Variants in RAB35 observed in about 807,000 individuals in gnomAD.
The protein encoded by RAB35 is RAB35, member RAS oncogene family, also known as ras-related protein Rab-35.
In RAB35, 4 loss-of-function variants were observed where a neutral mutation model predicts 28.9. The ratio of observed to expected loss-of-function variants is 0.14; its 90% CI spans 0.07 to 0.32. The LOEUF is 0.32. RAB35 is among the 10% of genes least tolerant of loss of function. The pLI, the probability that RAB35 is intolerant of heterozygous loss-of-function variation, is 1.00. For synonymous variants in RAB35, 99 were observed against 105.1 expected (o/e 0.94, Z 0.35); for missense variants, 128 against 274.0 (o/e 0.47, Z 3.76).
At chr12:120,099,364 G>A (rs1323033948) in intron 3 of RAB35, 7 of 647,836 alleles carry the variant, frequency 1.1e-5, no homozygotes, top group East Asian at 2.8e-5. Flanking sequence ...CTGCCCGCCC[G>A]GGGCACCAAC....
At chr12:120,102,469 C>A (rs960011992) in intron 3 of RAB35, among the ~76,000 whole-genome samples, 1 of 152,230 alleles carries the variant, frequency 6.6e-6, no homozygotes, top group African/African-American at 2.4e-5. Context: ...TCAACGGTCA[C>A]CACACAGCAC....
chr12:120,110,901 A>G (rs1876091156), intron 1 of RAB35, among the ~76,000 whole-genome samples: 1 of 152,208 alleles, frequency 6.6e-6, no homozygotes, highest in African/African-American at 2.4e-5. Flanking sequence ...GCTGAGCTCA[A>G]GGAGAGCCCG....
intron 2 of RAB35, among the ~76,000 whole-genome samples, chr12:120,106,784 T>G (rs1358052300): frequency 1.3e-5 from 2 of 151,922 alleles, no homozygotes; most frequent in East Asian, 3.9e-4. Flanking sequence ...AGACAGAGTT[T>G]CACCATATTG....
Position 120,116,704 on chromosome 12 carries a change from C to T in RAB35, c.-54G>A. 4 of 1,218,558 alleles carry T rather than the reference C, an allele frequency of 3.3e-6. No homozygotes were observed. The highest frequency in any genetic ancestry group is 4.1e-6 in the Non-Finnish European group (4 of 979,136). The allele number at this position is 1,218,558 out of a possible 1,614,324, so 75.5% of individuals were successfully genotyped here. On this transcript the variant is annotated 5_prime_UTR_variant, in exon 1 of 6. Coordinates refer to ENST00000229340, the MANE Select transcript of RAB35 (RefSeq NM_006861.7). Reference sequence around the variant, plus strand: ...GCGGGGTCGGTACTGGCCTCGCGATCCGCAGCTCCCTTCGGGCTGCTCCGG... The same window carrying T: ...GCGGGGTCGGTACTGGCCTCGCGATTCGCAGCTCCCTTCGGGCTGCTCCGG...
chr12:120,104,628 T>G (rs1328152910), intron 2 of RAB35, among the ~76,000 whole-genome samples: 1 of 151,868 alleles, frequency 6.6e-6, no homozygotes, highest in Admixed American at 6.6e-5. Flanking sequence ...TCTTGCAGCA[T>G]CTGTGGGAAA....
chr12:120,104,013 T>G, intron 2 of RAB35, 64 bp from the exon 3 acceptor site: 1 of 1,587,944 alleles, frequency 6.3e-7, no homozygotes, highest in Non-Finnish European at 8.6e-7. Flanking sequence ...AGCCCCACGC[T>G]GCACACAACA....
Position 120,107,130 on chromosome 12 carries a change from A to C in RAB35, c.103+1287T>G, listed in dbSNP as rs550211535. ...CAGCCTCCCCAGTCGCTAGGATTAT[A>C]GGTATGCACCACCACGCCCAGCTAA... On this transcript the variant is annotated intron_variant, in intron 2 of 5. Coordinates refer to ENST00000229340, the MANE Select transcript of RAB35 (RefSeq NM_006861.7). Among the ~76,000 whole-genome samples the C allele has an allele frequency of 1.8e-3, 273 of 152,126 alleles. 2 individuals are homozygous for C. Among genetic ancestry groups the C allele is most frequent in the Non-Finnish European group, 3.6e-3 (246 of 68,004 alleles).
At chr12:120,098,785 A>T (rs776554224) in intron 5 of RAB35, 26 bp downstream of exon 5, 2 of 1,613,572 alleles carry the variant, frequency 1.2e-6, no homozygotes, top group Non-Finnish European at 1.7e-6. Flanking sequence ...GGTGTGTGGC[A>T]GAGCCACAGT....
rs1875411282 is a variant in RAB35, at chr12:120,096,688, G to A, written c.*557C>T. ...AGGACAACGGGGAGGGAAGGGAGCT[G>A]GCACAGGCCCCGGAGAAGGGGCAAG... On this transcript the variant is annotated 3_prime_UTR_variant, in exon 6 of 6. Coordinates refer to ENST00000229340, the MANE Select transcript of RAB35 (RefSeq NM_006861.7). 1 of 1,289,892 alleles carries A rather than the reference G, an allele frequency of 7.8e-7. No homozygotes were observed. Among genetic ancestry groups the A allele is most frequent in the Non-Finnish European group, 1.0e-6 (1 of 988,894 alleles). 79.9% of individuals were successfully genotyped at this position (1,289,892 alleles called of 1,614,324 possible). A position where few individuals can be genotyped will look rare whatever the true frequency, so the allele number is the denominator to read the frequency against.
rs1001158735 is a variant in RAB35, at chr12:120,107,956, C to T, written c.103+461G>A. Among the ~76,000 whole-genome samples the T allele has an allele frequency of 4.6e-5, 7 of 151,192 alleles. No individual in the cohort carries two copies. In the South Asian group the frequency reaches 8.3e-4, roughly 18 times the overall value. ...TGAAAACACAACCAGAAGTCAGGCA[C>T]GATGTAACAGCAGCGTCAGTGCACC... On this transcript the variant is annotated intron_variant, in intron 2 of 5. Transcript: ENST00000229340.
intron 1 of RAB35, among the ~76,000 whole-genome samples, chr12:120,109,199 AT>A (rs1239229492): frequency 6.6e-6 from 1 of 152,198 alleles, no homozygotes; most frequent in African/African-American, 2.4e-5. Flanking sequence ...CATGCCTGTA[AT>A]CCCAGCACTT....
intron 1 of RAB35, among the ~76,000 whole-genome samples, chr12:120,115,771 A>G (rs1168188616): frequency 2.0e-5 from 3 of 152,192 alleles, no homozygotes; most frequent in Non-Finnish European, 4.4e-5. Context: ...AAGCACTTTT[A>G]TAATTTTGGC....
chr12:120,101,325 A>G (rs1002988425), intron 3 of RAB35, among the ~76,000 whole-genome samples: 1 of 152,162 alleles, frequency 6.6e-6, no homozygotes, highest in Non-Finnish European at 1.5e-5. Flanking sequence ...GCCAGCTGGA[A>G]GTCCTGGCGC....
At chr12:120,113,979 T>C (rs1446528011) in intron 1 of RAB35, among the ~76,000 whole-genome samples, 1 of 152,220 alleles carries the variant, frequency 6.6e-6, no homozygotes, top group African/African-American at 2.4e-5. Flanking sequence ...GCCTATTGTT[T>C]GCCAGCCCTG....
rs562332967 is a variant in RAB35 at position 120,113,065 on chromosome 12, T to C, written c.52+3534A>G. The stretch of plus-strand genomic sequence containing the variant: ...ACCACCACACCCAACTAATTTTTTG[T>C]GTTTTAAGTAGGGACAGGGTTTCAC... On this transcript the variant is annotated intron_variant, in intron 1 of 5. Transcript: ENST00000229340. Among the ~76,000 whole-genome samples the C allele has an allele frequency of 3.2e-4, 49 of 151,772 alleles. No individual in the cohort carries two copies. The South Asian group carries it at 9.4e-3, about 29-fold the overall frequency.
intron 1 of RAB35, among the ~76,000 whole-genome samples, chr12:120,110,337 T>G (rs1012067709): frequency 1.5e-5 from 2 of 133,966 alleles, no homozygotes; most frequent in South Asian, 2.7e-4. Flanking sequence ...TCTCTCAGGC[T>G]GGAGGGCAGT....
rs948647155 is a variant in RAB35 at position 120,108,441 on chromosome 12, G to A, written c.79C>T (p.Arg27Cys). 1.2e-6 allele frequency: 2 copies of A among 1,613,894 alleles called. No homozygotes were observed. Among genetic ancestry groups the A allele is most frequent in the Non-Finnish European group, 1.7e-6 (2 of 1,179,900 alleles). ...CCTGAGAAAGTGTTGTCTGCAAAACGCAACAGTAAACTGCTCTTGCCCACA... is the reference window on the plus strand; with the variant it reads ...CCTGAGAAAGTGTTGTCTGCAAAACACAACAGTAAACTGCTCTTGCCCACA... Reference protein sequence around the residue: ...SGVGKSSLLLRFADNTFSGSY... With the variant: ...SGVGKSSLLLCFADNTFSGSY... Residue 27 changes from arginine (R) to cysteine (C), a missense_variant, in exon 2 of 6, where the codon CGT becomes TGT. Arg to Cys is a radical substitution (Grantham distance 180). Transcript: ENST00000229340.
At chr12:120,102,208 T>TA (rs1875687844) in intron 3 of RAB35, among the ~76,000 whole-genome samples, 2 of 152,194 alleles carry the variant, frequency 1.3e-5, no homozygotes, top group South Asian at 2.1e-4. Context: ...AAAATGGAGA[T>TA]AGTCACAGGT....
intron 1 of RAB35, among the ~76,000 whole-genome samples, chr12:120,111,944 G>A (rs1359047877): frequency 6.6e-6 from 1 of 151,314 alleles, no homozygotes; most frequent in Non-Finnish European, 1.5e-5. Context: ...GCTGCCCAAG[G>A]GCACATCAGC....
Sources: gnomAD v4.1 joint callset for allele counts (sites outside exome capture counted in the v4.1 genomes callset) on GRCh38, gnomAD v4.1.1 for gene constraint, MANE v1.5 for transcripts, NCBI Gene and HGNC (gene_info 2026-07-23, HGNC 2026-07-21) for gene names.